The following TENM4 variants were observed in gnomAD, a reference collection of about 807,000 sequenced individuals.
TENM4 encodes teneurin transmembrane protein 4, also known as teneurin-4.
A neutral mutation model predicts 243.3 loss-of-function variants in TENM4; 82 were observed. That is an observed-to-expected ratio of 0.34 (90% CI 0.28 to 0.40). The LOEUF is 0.40. TENM4 is among the 10% of genes least tolerant of loss of function. The pLI, the probability that TENM4 is intolerant of heterozygous loss-of-function variation, is 1.00. For missense variants in TENM4, 3,138 were observed against 3,673.3 expected (o/e 0.85, Z 3.77); for synonymous variants, 1,412 against 1,456.3 (o/e 0.97, Z 0.69).
intron 3 of TENM4, among the ~76,000 whole-genome samples, chr11:79,149,841 A>T (rs1862468519): frequency 6.6e-6 from 1 of 152,200 alleles, no homozygotes; most frequent in Non-Finnish European, 1.5e-5. Flanking sequence ...ATTTAAAATT[A>T]TACTCACTGA....
At chr11:78,703,850 T>TTATG (rs1269306457) in intron 27 of TENM4, among the ~76,000 whole-genome samples, 2 of 151,824 alleles carry the variant, frequency 1.3e-5, no homozygotes, top group African/African-American at 2.4e-5. Context: ...TTTAATTTAC[T>TTATG]TATGTATGTA....
At chr11:79,328,976 C>A (rs542630) in intron 1 of TENM4, among the ~76,000 whole-genome samples, 126,893 of 152,048 alleles carry the variant, frequency 0.83, 53,606 homozygotes, top group African/African-American at 0.95. Context: ...GAAAAGCTAC[C>A]GTCTCTACAA....
intron 9 of TENM4, among the ~76,000 whole-genome samples, chr11:78,888,523 G>C (rs1378014483): frequency 1.3e-5 from 2 of 152,176 alleles, no homozygotes; most frequent in Non-Finnish European, 1.5e-5. Context: ...CAAGAATCTT[G>C]AGTGGAATTG....
intron 6 of TENM4, among the ~76,000 whole-genome samples, chr11:78,907,244 C>CTTT (rs529102939): frequency 2.2e-5 from 3 of 133,748 alleles, no homozygotes; most frequent in Admixed American, 7.5e-5. Flanking sequence ...GAATGGACTC[C>CTTT]TTTTTTTTTT....
At position 79,215,803 on chromosome 11, in the gene TENM4, C is replaced by T; in HGVS notation, c.-163+5G>A. On this transcript the variant is annotated splice_donor_5th_base_variant and intron_variant, in intron 3 of 33. Coordinates refer to ENST00000278550, the MANE Select transcript of TENM4 (RefSeq NM_001098816.3). Reference sequence around the variant, plus strand: ...CAGAAAATCAGAGCAGACAAGGGGACTGACCTGGCTCCATGTCAGCACGTT... The same window carrying T: ...CAGAAAATCAGAGCAGACAAGGGGATTGACCTGGCTCCATGTCAGCACGTT... The T allele has an allele frequency of 3.0e-6, 3 of 985,888 alleles. No individual in the cohort carries two copies. Among genetic ancestry groups the T allele is most frequent in the Non-Finnish European group, 3.6e-6 (3 of 829,960 alleles). The allele number at this position is 985,888 out of a possible 1,614,324, so 61.1% of individuals were successfully genotyped here.
intron 1 of TENM4, among the ~76,000 whole-genome samples, chr11:79,302,959 G>T (rs947762551): frequency 1.3e-5 from 2 of 152,200 alleles, no homozygotes; most frequent in African/African-American, 2.4e-5. Flanking sequence ...GAGGTCAGCA[G>T]GTCAGATATT....
chr11:79,198,358 C>A (rs948787354), intron 3 of TENM4, among the ~76,000 whole-genome samples: 3 of 152,172 alleles, frequency 2.0e-5, no homozygotes, highest in African/African-American at 7.2e-5. Flanking sequence ...TCAGGCACCA[C>A]CCACAGAAGT....
intron 12 of TENM4, among the ~76,000 whole-genome samples, chr11:78,816,981 T>C (rs1189895732): frequency 2.0e-5 from 3 of 152,198 alleles, no homozygotes; most frequent in African/African-American, 7.2e-5. Context: ...ATATGTGAAA[T>C]GAAGGCAATG....
At chr11:79,340,592 C>T (rs1511231) in intron 1 of TENM4, among the ~76,000 whole-genome samples, 1,851 of 152,204 alleles carry the variant, frequency 0.012, 38 homozygotes, top group African/African-American at 0.042. Context: ...CATAAAAGGC[C>T]TTCCCGCCCA....
intron 1 of TENM4, among the ~76,000 whole-genome samples, chr11:79,421,014 G>T (rs1035134253): frequency 3.3e-5 from 5 of 152,132 alleles, no homozygotes; most frequent in African/African-American, 1.2e-4. Flanking sequence ...GATGAGTCGA[G>T]GAGTGCACAA....
chr11:78,835,914 T>C (rs906190850), intron 12 of TENM4, among the ~76,000 whole-genome samples: 1 of 152,352 alleles, frequency 6.6e-6, no homozygotes, highest in Admixed American at 6.5e-5. Flanking sequence ...AGCCACAGCC[T>C]GACCAGAGTG....
chr11:78,804,584 A>G (rs1036995141), intron 15 of TENM4, among the ~76,000 whole-genome samples: 3 of 152,200 alleles, frequency 2.0e-5, no homozygotes, highest in Admixed American at 2.0e-4. Flanking sequence ...AGTGTTTTCA[A>G]ACAGAAGGGT....
intron 4 of TENM4, among the ~76,000 whole-genome samples, chr11:79,139,816 T>G (rs1310716025): frequency 7.9e-6 from 1 of 126,576 alleles, no homozygotes. Context: ...ATATATATTT[T>G]ATATTTATAT....
intron 14 of TENM4, among the ~76,000 whole-genome samples, chr11:78,810,141 G>A (rs1313815655): frequency 6.6e-6 from 1 of 152,144 alleles, no homozygotes; most frequent in Admixed American, 6.5e-5. Flanking sequence ...GAGGAGGGGA[G>A]GAGAAGTGTG....
In TENM4 at chr11:79,070,836, T is replaced by C. The variant is rs183827788; in HGVS notation, c.-65-827A>G. Among the ~76,000 whole-genome samples, 5 of 152,316 alleles carry C rather than the reference T, an allele frequency of 3.3e-5. No homozygotes were observed. In the East Asian group the frequency reaches 9.6e-4, roughly 29 times the overall value. On this transcript the variant is annotated intron_variant, in intron 4 of 33. Transcript: ENST00000278550. ...GATCTGTTTGGCTCTAAAGCCTGCA[T>C]TTTTCCTATTCCATTCTGCCTCCCT...
intron 15 of TENM4, among the ~76,000 whole-genome samples, chr11:78,797,125 GA>G (rs1207611441): frequency 5.9e-5 from 9 of 152,226 alleles, no homozygotes; most frequent in African/African-American, 2.2e-4. Flanking sequence ...GAGTTGTGCA[GA>G]GGATAAACAT....
At chr11:79,309,207 T>C (rs1453384346) in intron 1 of TENM4, among the ~76,000 whole-genome samples, 1 of 152,224 alleles carries the variant, frequency 6.6e-6, no homozygotes, top group Non-Finnish European at 1.5e-5. Context: ...CTATATTAAA[T>C]TCTTTGGTAT....
intron 4 of TENM4, among the ~76,000 whole-genome samples, chr11:79,113,773 G>T (rs974181237): frequency 6.6e-6 from 1 of 152,108 alleles, no homozygotes; most frequent in Admixed American, 6.6e-5. Flanking sequence ...GCCCTCAGAG[G>T]CTGTCCTGGG....
At chr11:78,914,944 G>A (rs1856281635) in intron 6 of TENM4, among the ~76,000 whole-genome samples, 1 of 152,166 alleles carries the variant, frequency 6.6e-6, no homozygotes, top group Non-Finnish European at 1.5e-5. Flanking sequence ...TCCATCAGAT[G>A]GAGTGAACTC....
Sources: gnomAD v4.1 joint callset for allele counts (sites outside exome capture counted in the v4.1 genomes callset) on GRCh38, gnomAD v4.1.1 for gene constraint, MANE v1.5 for transcripts, NCBI Gene and HGNC (gene_info 2026-07-23, HGNC 2026-07-21) for gene names.